The following RPA3 variants were observed in gnomAD, a reference collection of about 807,000 sequenced individuals.
RPA3 encodes the protein replication protein A3.
RPA3 carries 24 observed loss-of-function variants against 13.7 expected under a neutral mutation model. The ratio of observed to expected loss-of-function variants is 1.75; its 90% CI spans 1.27 to 2.46. The LOEUF (loss-of-function observed/expected upper bound fraction) is 2.46. Among genes scored for constraint, RPA3 ranks in the 30% most tolerant of loss-of-function variants. RPA3 has a pLI of 0.00. For missense variants in RPA3, 183 were observed against 151.0 expected, an observed-to-expected ratio of 1.21 and a Z score of -1.11; for synonymous variants, 59 against 51.2, an observed-to-expected ratio of 1.15 and a Z score of -0.65.
chr7:7,644,365 T>TTA (rs1785048249), intron 4 of RPA3, among the ~76,000 whole-genome samples: 1 of 151,946 alleles, frequency 6.6e-6, no homozygotes, highest in African/African-American at 2.4e-5. Flanking sequence ...TTTTTTTTTT[T>TTA]TTATTAGGAA....
chr7:7,646,483 T>A (rs1266278902), intron 4 of RPA3, among the ~76,000 whole-genome samples: 2 of 26,302 alleles, frequency 7.6e-5, no homozygotes, highest in Non-Finnish European at 2.8e-4. Context: ...TCGCTGGATT[T>A]TTTTTTTTTT....
chr7:7,686,285 C>T (rs1780039859), intron 3 of RPA3, among the ~76,000 whole-genome samples: 1 of 152,236 alleles, frequency 6.6e-6, no homozygotes, highest in Non-Finnish European at 1.5e-5. Context: ...ATCAGGGCCA[C>T]TATTGGGAAG....
At chr7:7,718,395 GA>G (rs1201701463) in intron 1 of RPA3, 119 bp downstream of exon 1, 2 of 152,198 alleles carry the variant, frequency 1.3e-5, no homozygotes, top group Non-Finnish European at 2.9e-5. Flanking sequence ...TGGAACAAAT[GA>G]ATAAGAACGG....
intron 4 of RPA3, among the ~76,000 whole-genome samples, chr7:7,642,460 G>T (rs7796049): frequency 8.7e-6 from 1 of 114,676 alleles, no homozygotes; most frequent in Non-Finnish European, 1.8e-5. Flanking sequence ...TGCGTACCCT[G>T]TAATAGTGAT....
chr7:7,664,227 A>G (rs1583708184), intron 4 of RPA3, among the ~76,000 whole-genome samples: 1 of 152,042 alleles, frequency 6.6e-6, no homozygotes, highest in African/African-American at 2.4e-5. Flanking sequence ...CTTATTCATA[A>G]TACCACTTTT....
intron 4 of RPA3, among the ~76,000 whole-genome samples, chr7:7,657,323 C>G (rs1284470591): frequency 6.6e-6 from 1 of 152,186 alleles, no homozygotes; most frequent in Non-Finnish European, 1.5e-5. Flanking sequence ...TTAATTAGAT[C>G]CCATTTGTCA....
intron 4 of RPA3, among the ~76,000 whole-genome samples, chr7:7,653,046 T>A (rs1785259345): frequency 2.0e-5 from 3 of 152,266 alleles, no homozygotes; most frequent in African/African-American, 7.2e-5. Context: ...ATCCCATGAC[T>A]TAATTCTCCC....
intron 4 of RPA3, among the ~76,000 whole-genome samples, chr7:7,652,339 G>A (rs1232726747): frequency 6.6e-6 from 1 of 152,172 alleles, no homozygotes; most frequent in Non-Finnish European, 1.5e-5. Flanking sequence ...CTCAGACTTT[G>A]AGATATGGTC....
chr7:7,684,924 G>T (rs1285187886), intron 4 of RPA3, among the ~76,000 whole-genome samples: 1 of 152,088 alleles, frequency 6.6e-6, no homozygotes, highest in African/African-American at 2.4e-5. Context: ...GGAAAACATT[G>T]TAAGTATGCA....
intron 2 of RPA3, among the ~76,000 whole-genome samples, chr7:7,705,382 A>G (rs1272227586): frequency 6.6e-6 from 1 of 152,240 alleles, no homozygotes; most frequent in Non-Finnish European, 1.5e-5. Flanking sequence ...TTAAAAAGTA[A>G]TTTTACATGT....
At chr7:7,642,161 A>ATC (rs940736526) in intron 4 of RPA3, among the ~76,000 whole-genome samples, 3 of 152,058 alleles carry the variant, frequency 2.0e-5, no homozygotes, top group Non-Finnish European at 4.4e-5. Context: ...TTGAGGCAAG[A>ATC]TCTCTCTCTG....
At chr7:7,690,455 G>GT (rs1303975889) in intron 2 of RPA3, among the ~76,000 whole-genome samples, 3 of 152,018 alleles carry the variant, frequency 2.0e-5, no homozygotes, top group African/African-American at 7.2e-5. Flanking sequence ...TGAAAGAAGA[G>GT]TTTTAAAGGT....
chr7:7,672,380 G>T (rs1779628624), intron 4 of RPA3, among the ~76,000 whole-genome samples: 1 of 152,128 alleles, frequency 6.6e-6, no homozygotes, highest in Non-Finnish European at 1.5e-5. Flanking sequence ...GTGCGTGTGA[G>T]CATGTGTGTA....
At chr7:7,661,931 C>G (rs1785484741) in intron 4 of RPA3, among the ~76,000 whole-genome samples, 4 of 152,174 alleles carry the variant, frequency 2.6e-5, no homozygotes, top group Admixed American at 2.6e-4. Context: ...CCGAGGTGCT[C>G]TGTCCCTGGG....
chr7:7,647,023 T>C (rs1785112708), intron 4 of RPA3, among the ~76,000 whole-genome samples: 1 of 152,162 alleles, frequency 6.6e-6, no homozygotes, highest in Non-Finnish European at 1.5e-5. Flanking sequence ...GTTACACTAG[T>C]TTTGTGAAAT....
rs1036192057 is a variant in RPA3, at chr7:7,640,872, C to G, written c.-454G>C. The G allele has an allele frequency of 5.6e-6, 1 of 176,992 alleles. No homozygotes were observed. The highest frequency in any genetic ancestry group is 2.4e-5 in the African/African-American group (1 of 41,838). 11.0% of individuals were successfully genotyped at this position (176,992 alleles called of 1,614,324 possible). Reference sequence around the variant, plus strand: ...CAACCTTACTGTTTCCCCATTCTTCCCGCGAACAGAGTCAAAAGAGCTAGG... The same window carrying G: ...CAACCTTACTGTTTCCCCATTCTTCGCGCGAACAGAGTCAAAAGAGCTAGG... On this transcript the variant is annotated 5_prime_UTR_variant, in exon 5 of 8. Transcript: ENST00000223129.
intron 2 of RPA3, among the ~76,000 whole-genome samples, chr7:7,690,556 G>A (rs1780148938): frequency 6.6e-6 from 1 of 152,012 alleles, no homozygotes; most frequent in Non-Finnish European, 1.5e-5. Flanking sequence ...CAATTATAAG[G>A]TGGGGGTGAT....
intron 4 of RPA3, among the ~76,000 whole-genome samples, chr7:7,674,528 G>A (rs1779689922): frequency 6.6e-6 from 1 of 152,210 alleles, no homozygotes. Flanking sequence ...CAGTAGCTGG[G>A]AGGTTGCTCA....
intron 2 of RPA3, among the ~76,000 whole-genome samples, chr7:7,697,649 A>G (rs1284874705): frequency 6.6e-6 from 1 of 152,248 alleles, no homozygotes; most frequent in Non-Finnish European, 1.5e-5. Context: ...TGATATTATC[A>G]CATTCATGTG....
Sources: gnomAD v4.1 joint callset for allele counts (sites outside exome capture counted in the v4.1 genomes callset) on GRCh38, gnomAD v4.1.1 for gene constraint, MANE v1.5 for transcripts, NCBI Gene and HGNC (gene_info 2026-07-23, HGNC 2026-07-21) for gene names.